The following CDKAL1 variants were observed in gnomAD, a reference collection of about 807,000 sequenced individuals.
CDKAL1 encodes threonylcarbamoyladenosine tRNA methylthiotransferase.
Under a neutral mutation model 68.2 loss-of-function variants are expected in CDKAL1, and 32 were observed. That is an observed-to-expected ratio of 0.47 (90% confidence interval 0.35 to 0.63). CDKAL1 has a LOEUF of 0.63. Ranked by LOEUF, CDKAL1 falls within the 30% of genes least tolerant of loss-of-function variation. The pLI is 0.00. For synonymous variants in CDKAL1, 234 were observed against 244.3 expected (o/e 0.96, Z 0.39); for missense variants, 606 against 696.7 (o/e 0.87, Z 1.47).
At chr6:20,995,511 C>G (rs1432475489) in intron 10 of CDKAL1, among the ~76,000 whole-genome samples, 3 of 152,182 alleles carry the variant, frequency 2.0e-5, no homozygotes, top group South Asian at 4.1e-4. Flanking sequence ...TTGTACATCC[C>G]CATCAGATCT....
chr6:20,573,074 T>C (rs1042598408), intron 4 of CDKAL1, among the ~76,000 whole-genome samples: 1 of 152,210 alleles, frequency 6.6e-6, no homozygotes, highest in Non-Finnish European at 1.5e-5. Flanking sequence ...CAGAGTCTCC[T>C]TCTAATATGA....
chr6:20,816,786 G>A (rs1424086903), intron 8 of CDKAL1, among the ~76,000 whole-genome samples: 2 of 152,028 alleles, frequency 1.3e-5, no homozygotes, highest in African/African-American at 4.8e-5. Context: ...ATATAAGCTA[G>A]AACATATCTG....
At chr6:21,109,023 C>G (rs1773993993) in intron 13 of CDKAL1, among the ~76,000 whole-genome samples, 1 of 152,196 alleles carries the variant, frequency 6.6e-6, no homozygotes, top group South Asian at 2.1e-4. Flanking sequence ...CATTTATACC[C>G]TACCTTCTCC....
chr6:20,687,259 T>TA (rs1386884142), intron 5 of CDKAL1, among the ~76,000 whole-genome samples: 2 of 151,888 alleles, frequency 1.3e-5, no homozygotes, highest in African/African-American at 2.4e-5. Flanking sequence ...TTGTCATAAT[T>TA]AAAAAAAATA....
intron 13 of CDKAL1, among the ~76,000 whole-genome samples, chr6:21,173,513 C>G (rs1661573211): frequency 6.6e-6 from 1 of 152,166 alleles, no homozygotes; most frequent in Admixed American, 6.5e-5. Flanking sequence ...AATGAACATG[C>G]ATTGACACTC....
At chr6:20,699,708 G>A (rs1771258041) in intron 5 of CDKAL1, among the ~76,000 whole-genome samples, 2 of 152,244 alleles carry the variant, frequency 1.3e-5, no homozygotes, top group East Asian at 1.9e-4. Flanking sequence ...TCGTCAAGCC[G>A]GAGCTCTCAA....
intron 9 of CDKAL1, among the ~76,000 whole-genome samples, chr6:20,946,457 T>C (rs1024304074): frequency 6.6e-6 from 1 of 152,210 alleles, no homozygotes; most frequent in Admixed American, 6.5e-5. Flanking sequence ...TTCATCATTC[T>C]GGACTCAAAA....
intron 9 of CDKAL1, among the ~76,000 whole-genome samples, chr6:20,941,595 A>C (rs756117901): frequency 1.6e-4 from 24 of 152,186 alleles, no homozygotes; most frequent in Non-Finnish European, 3.2e-4. Context: ...ACTCATATGC[A>C]TTGTGTTACC....
At chr6:20,994,459 A>T (rs975703446) in intron 10 of CDKAL1, among the ~76,000 whole-genome samples, 1 of 152,216 alleles carries the variant, frequency 6.6e-6, no homozygotes, top group African/African-American at 2.4e-5. Flanking sequence ...AGCCTGGGTG[A>T]CAGAGTGAGA....
At chr6:20,997,034 A>G (rs1767157047) in intron 10 of CDKAL1, among the ~76,000 whole-genome samples, 1 of 152,196 alleles carries the variant, frequency 6.6e-6, no homozygotes, top group African/African-American at 2.4e-5. Flanking sequence ...CTTTTCGTGT[A>G]TGTTGATGTA....
At chr6:20,946,446 C>T (rs1764240578) in intron 9 of CDKAL1, among the ~76,000 whole-genome samples, 1 of 152,166 alleles carries the variant, frequency 6.6e-6, no homozygotes. Flanking sequence ...TTCCCAATCA[C>T]TTCATCATTC....
chr6:21,073,029 G>C (rs1582142652), intron 12 of CDKAL1, among the ~76,000 whole-genome samples: 2 of 152,034 alleles, frequency 1.3e-5, no homozygotes, highest in Admixed American at 6.6e-5. Flanking sequence ...CTGATCTACT[G>C]CCTCTAATTT....
At chr6:20,672,452 T>G (rs1769890093) in intron 5 of CDKAL1, among the ~76,000 whole-genome samples, 1 of 151,814 alleles carries the variant, frequency 6.6e-6, no homozygotes, top group Non-Finnish European at 1.5e-5. Flanking sequence ...CCTCCCAGAT[T>G]CAAGCGATTC....
At chr6:20,852,781 C>T (rs1266870590) in intron 9 of CDKAL1, among the ~76,000 whole-genome samples, 1 of 152,116 alleles carries the variant, frequency 6.6e-6, no homozygotes, top group Non-Finnish European at 1.5e-5. Flanking sequence ...ACAAAGGAAA[C>T]TTGAAAAAGT....
intron 7 of CDKAL1, among the ~76,000 whole-genome samples, chr6:20,777,449 T>TA (rs1163451250): frequency 1.3e-5 from 2 of 151,838 alleles, no homozygotes; most frequent in African/African-American, 4.8e-5. Context: ...CTCATCTCTA[T>TA]AAAAAAAATT....
At chr6:20,953,367 A>G (rs902768615) in intron 9 of CDKAL1, among the ~76,000 whole-genome samples, 1 of 152,194 alleles carries the variant, frequency 6.6e-6, no homozygotes, top group Non-Finnish European at 1.5e-5. Flanking sequence ...CACACTCTCT[A>G]CATAAGGCAT....
chr6:21,093,262 AT>A (rs770376437), intron 12 of CDKAL1, among the ~76,000 whole-genome samples: 8 of 152,208 alleles, frequency 5.3e-5, no homozygotes, highest in Non-Finnish European at 1.2e-4. Flanking sequence ...GAAATGAGTG[AT>A]TCCTTCCCTA....
intron 7 of CDKAL1, among the ~76,000 whole-genome samples, chr6:20,766,806 T>G (rs1774723337): frequency 6.6e-6 from 1 of 152,168 alleles, no homozygotes; most frequent in Admixed American, 6.5e-5. Context: ...TCAACCATAT[T>G]AATTTTTCTT....
intron 9 of CDKAL1, among the ~76,000 whole-genome samples, chr6:20,938,987 C>T (rs1039546532): frequency 6.6e-6 from 1 of 152,116 alleles, no homozygotes; most frequent in Non-Finnish European, 1.5e-5. Flanking sequence ...TCCTCCTTCC[C>T]CAACCCTTCA....
Sources: gnomAD v4.1 joint callset for allele counts (sites outside exome capture counted in the v4.1 genomes callset) on GRCh38, gnomAD v4.1.1 for gene constraint, MANE v1.5 for transcripts, NCBI Gene and HGNC (gene_info 2026-07-23, HGNC 2026-07-21) for gene names.